RANBP1: variants seen among roughly 807,000 people sequenced by gnomAD.
RANBP1 encodes the protein ran-specific GTPase-activating protein.
Under a neutral mutation model 31.4 loss-of-function variants are expected in RANBP1, and 16 were observed. The observed-to-expected ratio is 0.51, with a 90% CI of 0.34 to 0.77. The LOEUF is 0.77. Among genes scored for constraint, RANBP1 ranks in the 30% least tolerant of loss-of-function variants. The pLI, the probability that RANBP1 is intolerant of heterozygous loss-of-function variation, is 0.01. For missense variants in RANBP1, 265 were observed against 362.0 expected (o/e 0.73, Z 2.17); for synonymous variants, 129 against 140.5 (o/e 0.92, Z 0.58).
rs1161055011 is a variant in RANBP1, at chr22:20,125,344, G to A, written c.578G>A (p.Ser193Asn). The A allele has an allele frequency of 1.9e-6, 3 of 1,611,688 alleles. No homozygotes were observed. Among genetic ancestry groups the A allele is most frequent in the Non-Finnish European group, 2.5e-6 (3 of 1,179,884 alleles). The change falls in exon 4 of 6, where the codon AGC (serine) becomes AAC (asparagine). Residue 193 changes from serine to asparagine, a missense_variant. By Grantham distance (46) the Ser-to-Asn change is conservative (BLOSUM62 1). This residue lies in a region of RANBP1 where 90 missense variants were observed against 190.5 expected (regional missense o/e 0.47). Coordinates refer to ENST00000430524, the MANE Select transcript of RANBP1 (RefSeq NM_001278639.2). Reference protein sequence around the residue: ...PMMELKPNAGSDRAWVWNTHA... With the variant: ...PMMELKPNAGNDRAWVWNTHA... ...ATGGAGCTGAAGCCCAACGCAGGTA[G>A]CGACCGTGCCTGGGTCTGGAACACC...
At chr22:20,116,777 C>T (rs2050038247) in intron 1 of RANBP1, 2 of 1,466,290 alleles carry the variant, frequency 1.4e-6, no homozygotes, top group Non-Finnish European at 1.9e-6. Flanking sequence ...CTTTCCTCCC[C>T]TATCGCACCT....
chr22:20,122,999 T>C (rs1602544735), intron 3 of RANBP1, among the ~76,000 whole-genome samples: 1 of 44,332 alleles, frequency 2.3e-5, no homozygotes, highest in Non-Finnish European at 4.1e-5. Context: ...GGGGGTGTGG[T>C]GGGGTATGTG....
chr22:20,121,390 C>G (rs1168885941), intron 2 of RANBP1, among the ~76,000 whole-genome samples: 3 of 152,104 alleles, frequency 2.0e-5, no homozygotes, highest in African/African-American at 7.2e-5. Context: ...GCTGGGATTA[C>G]AGGCATGTGC....
intron 3 of RANBP1, chr22:20,122,841 ACTG>A (rs1342160059): frequency 1.7e-6 from 1 of 601,898 alleles, no homozygotes; most frequent in Non-Finnish European, 2.2e-6. Context: ...TGTGGTGTCT[ACTG>A]GTGGTGGTGT....
chr22:20,126,184 C>T (rs1056427152), intron 4 of RANBP1, 119 bp from the exon 5 acceptor site: 2 of 1,213,618 alleles, frequency 1.6e-6, no homozygotes, highest in South Asian at 2.9e-5. Flanking sequence ...CCAGTCCTTT[C>T]TTAGGTCAGC....
chr22:20,125,265 T>A (rs774368313), intron 3 of RANBP1, 43 bp from the exon 4 acceptor site: 1 of 1,610,014 alleles, frequency 6.2e-7, no homozygotes, highest in Non-Finnish European at 8.5e-7. Context: ...TGGGCTGGCC[T>A]TTGCAGTCAT....
chr22:20,123,628 G>A, intron 3 of RANBP1, among the ~76,000 whole-genome samples: 1 of 152,078 alleles, frequency 6.6e-6, no homozygotes, highest in East Asian at 1.9e-4. Flanking sequence ...GGAGGGGAAC[G>A]GGGCTGAGAA....
intron 1 of RANBP1, chr22:20,117,350 C>A: frequency 8.2e-7 from 1 of 1,212,824 alleles, no homozygotes; most frequent in Non-Finnish European, 1.0e-6. Context: ...AGTGCGCGCT[C>A]CTCTGGCTGA....
At chr22:20,119,343 G>A in intron 2 of RANBP1, 194 bp downstream of exon 2, 1 of 585,102 alleles carries the variant, frequency 1.7e-6, no homozygotes, top group Non-Finnish European at 3.0e-6. Context: ...TTGCTGCCCT[G>A]CAGCCAGTTG....
intron 3 of RANBP1, among the ~76,000 whole-genome samples, chr22:20,123,309 T>G (rs1602545976): frequency 4.8e-5 from 3 of 62,712 alleles, no homozygotes; most frequent in African/African-American, 1.4e-4. Context: ...GTCTAAGGGG[T>G]GTGGTTGGGT....
chr22:20,126,547 C>T (rs2050303993), intron 5 of RANBP1, 179 bp downstream of exon 5: 2 of 1,569,062 alleles, frequency 1.3e-6, no homozygotes, highest in Non-Finnish European at 1.7e-6. Context: ...GAGCCCTGAG[C>T]ACTTGTCAGT....
intron 2 of RANBP1, among the ~76,000 whole-genome samples, chr22:20,119,805 G>A (rs1026986052): frequency 6.6e-6 from 1 of 152,168 alleles, no homozygotes. Flanking sequence ...GTCAGCTACC[G>A]CGCCCGGCCC....
At chr22:20,117,761 G>C in intron 1 of RANBP1, 2 of 1,071,648 alleles carry the variant, frequency 1.9e-6, no homozygotes, top group Non-Finnish European at 2.3e-6. Context: ...ACCAACCTCC[G>C]CCGGCCTGCA....
In RANBP1 at chr22:20,116,258, G is replaced by A. The variant is rs375241764; in HGVS notation, c.74G>A (p.Arg25His). 6.8e-6 allele frequency: 11 copies of A among 1,612,914 alleles called. No homozygotes were observed. The highest frequency in any genetic ancestry group is 2.2e-5 in the East Asian group (1 of 44,888). ...TTCCAGAGGGCACCATGCAAAACGC[G>A]CAGGGCCTTGTCCCTCTCTGCAGCG... ...RPFQRAPCKT[R>H]RALSLSAALR... The change falls in exon 1 of 6, where the codon CGC (arginine) becomes CAC (histidine). Residue 25 changes from arginine (R) to histidine (H), a missense_variant. Coordinates refer to ENST00000430524, the MANE Select transcript of RANBP1 (RefSeq NM_001278639.2).
chr22:20,117,841 C>A, intron 1 of RANBP1: 1 of 1,013,616 alleles, frequency 9.9e-7, no homozygotes, highest in Non-Finnish European at 1.2e-6. Context: ...TCGAGGCCTG[C>A]GGAGTTGGGG....
intron 1 of RANBP1, 98 bp from the exon 2 acceptor site, chr22:20,118,915 C>T: frequency 7.7e-7 from 1 of 1,303,230 alleles, no homozygotes. Flanking sequence ...TCTGAAGTCC[C>T]TTCATTGTCG....
intron 1 of RANBP1, 88 bp from the exon 2 acceptor site, chr22:20,118,925 G>C: frequency 7.2e-7 from 1 of 1,383,968 alleles, no homozygotes; most frequent in Non-Finnish European, 9.9e-7. Flanking sequence ...CTTCATTGTC[G>C]GAGGGCTGAC....
chr22:20,117,591 A>G, intron 1 of RANBP1: 1 of 1,369,694 alleles, frequency 7.3e-7, no homozygotes, highest in Non-Finnish European at 9.5e-7. Flanking sequence ...GTAGCCGCCG[A>G]GAGGCCGCGG....
intron 1 of RANBP1, 48 bp downstream of exon 1, chr22:20,116,478 C>G (rs2050024071): frequency 6.2e-7 from 1 of 1,612,734 alleles, no homozygotes; most frequent in Non-Finnish European, 8.5e-7. Context: ...GCTGAGGCCC[C>G]GGCCCTGTAG....
Sources: gnomAD v4.1 joint callset for allele counts (sites outside exome capture counted in the v4.1 genomes callset) on GRCh38, gnomAD v4.1.1 for gene constraint, gnomAD v4.1.1 regional missense constraint, MANE v1.5 for transcripts, NCBI Gene and HGNC (gene_info 2026-07-23, HGNC 2026-07-21) for gene names.